DDX23: variants seen among roughly 807,000 people sequenced by gnomAD.
DDX23 encodes the protein probable ATP-dependent RNA helicase DDX23.
In DDX23, 33 loss-of-function variants were observed where a neutral mutation model predicts 102.7. That is an observed-to-expected ratio of 0.32 (90% confidence interval 0.24 to 0.43). The LOEUF is 0.43. Ranked by LOEUF, DDX23 falls within the 20% of genes least tolerant of loss-of-function variation. The pLI is 1.00. For synonymous variants in DDX23, 352 were observed against 376.0 expected (o/e 0.94, Z 0.74); for missense variants, 549 against 1,086.6 (o/e 0.51, Z 6.96).
chr12:48,847,989 GAA>G (rs929457604), intron 1 of DDX23, among the ~76,000 whole-genome samples: 16 of 151,754 alleles, frequency 1.1e-4, no homozygotes, highest in African/African-American at 3.9e-4. Context: ...AAGCAGTAAA[GAA>G]AACAAAGTCT....
At chr12:48,838,345 G>C (rs893855757) in intron 5 of DDX23, among the ~76,000 whole-genome samples, 2 of 152,166 alleles carry the variant, frequency 1.3e-5, no homozygotes, top group East Asian at 1.9e-4. Flanking sequence ...GAGGCCATGA[G>C]TTCAAGACCA....
rs1412894046 is a variant in DDX23 at position 48,842,472 on chromosome 12, C to T, written c.320+1468G>A. ...GTAGGGGGGTCAGCCCCCCGCCCGG[C>T]CAGCCACCCCGTCCGGGAGGAAGGT... is the stretch of plus-strand genomic sequence containing the variant. On this transcript the variant is annotated intron_variant, in intron 3 of 16. Coordinates refer to ENST00000308025, the MANE Select transcript of DDX23 (RefSeq NM_004818.3). 1.0e-4 allele frequency among the ~76,000 whole-genome samples: 14 copies of T among 137,958 alleles called. No individual in the cohort carries two copies. In the South Asian group the frequency reaches 3.3e-3, roughly 32 times the overall value. 90.5% of individuals were successfully genotyped at this position (137,958 alleles called of 152,430 possible). A position where few individuals can be genotyped will look rare whatever the true frequency, so the allele number is the denominator to read the frequency against.
Position 48,836,059 on chromosome 12 carries a change from T to C in DDX23, c.1382+62A>G. 6.4e-7 allele frequency: 1 copy of C among 1,566,158 alleles called. No individual in the cohort carries two copies. Among genetic ancestry groups the C allele is most frequent in the Non-Finnish European group, 8.7e-7 (1 of 1,143,784 alleles). ...ACGTAAAACAAAAATCAAACATTCA[T>C]TTGCCACTTTCACCTTTCCTACCCA... On this transcript the variant is annotated intron_variant, in intron 11 of 16. Coordinates refer to ENST00000308025, the MANE Select transcript of DDX23 (RefSeq NM_004818.3). The surrounding 1 kb of genome is among the most constrained non-coding windows in gnomAD (Gnocchi z 6.1).
intron 1 of DDX23, among the ~76,000 whole-genome samples, chr12:48,850,516 C>G (rs1478085101): frequency 6.6e-6 from 1 of 152,034 alleles, no homozygotes; most frequent in Non-Finnish European, 1.5e-5. Flanking sequence ...CACCAATACA[C>G]AGATAGCTTT....
chr12:48,837,937 C>T lies in DDX23; in HGVS notation c.619+5G>A. On this transcript the variant is annotated splice_donor_5th_base_variant and intron_variant, in intron 6 of 16. Coordinates refer to ENST00000308025, the MANE Select transcript of DDX23 (RefSeq NM_004818.3). ...CTAGGGGCTACACAGGGTAGAATAA[C>T]AAACCCAACATCTTCCTGCCCAAGT... 6.2e-7 allele frequency: 1 copy of T among 1,612,488 alleles called. No homozygotes were observed. Among genetic ancestry groups the T allele is most frequent in the Non-Finnish European group, 8.5e-7 (1 of 1,180,008 alleles).
chr12:48,830,308 C>G lies in DDX23; in HGVS notation c.*161G>C, dbSNP rs1165814874. 3 of 877,270 alleles carry G rather than the reference C, an allele frequency of 3.4e-6. No homozygotes were observed. Among genetic ancestry groups the G allele is most frequent in the South Asian group, 2.9e-5 (2 of 70,130 alleles). The allele number at this position is 877,270 out of a possible 1,614,324, so 54.3% of individuals were successfully genotyped here. ...CGTCCTCTCCTTTTGCAGCCCCACA[C>G]GCAGGCCTCCTGACCTGAGGGTCTG... On this transcript the variant is annotated 3_prime_UTR_variant, in exon 17 of 17. Coordinates refer to ENST00000308025, the MANE Select transcript of DDX23 (RefSeq NM_004818.3). This position sits in a 1 kb window ranked among gnomAD's most constrained non-coding sequence, Gnocchi z 4.9.
Position 48,829,844 on chromosome 12 carries a change from A to G in DDX23, c.*625T>C. On this transcript the variant is annotated 3_prime_UTR_variant, in exon 17 of 17. Transcript: ENST00000308025. Reference sequence around the variant, plus strand: ...AAAACAGAGATTTCACTCAGTGACAAAGATGGACACAGCCAGTTCACCGTG... The same window carrying G: ...AAAACAGAGATTTCACTCAGTGACAGAGATGGACACAGCCAGTTCACCGTG... The G allele has an allele frequency of 4.4e-6, 1 of 229,218 alleles. No individual in the cohort carries two copies. The highest frequency in any genetic ancestry group is 8.7e-6 in the Non-Finnish European group (1 of 114,912). 14.2% of individuals were successfully genotyped at this position (229,218 alleles called of 1,614,324 possible). A position where few individuals can be genotyped will look rare whatever the true frequency, so the allele number is the denominator to read the frequency against.
rs1938517330 is a variant in DDX23 at position 48,839,638 on chromosome 12, G to A, written c.480+206C>T. 1.4e-5 allele frequency: 8 copies of A among 580,366 alleles called. No individual in the cohort carries two copies. The South Asian group carries it at 1.7e-4, about 12-fold the overall frequency. The allele number at this position is 580,366 out of a possible 1,614,324, so 36.0% of individuals were successfully genotyped here. A position where few individuals can be genotyped will look rare whatever the true frequency, so the allele number is the denominator to read the frequency against. On this transcript the variant is annotated intron_variant, in intron 5 of 16. Coordinates refer to ENST00000308025, the MANE Select transcript of DDX23 (RefSeq NM_004818.3). ...CACAAGGGGTACATGTGTACAGAGG[G>A]AGGACCATGTGAAGAGCTGAGGAAG...
At position 48,838,066 on chromosome 12, in the gene DDX23, A is replaced by T; in HGVS notation, c.495T>A (p.Ser165=). The change falls in exon 6 of 17, where the codon TCT becomes TCA. Residue 165 remains serine, a synonymous_variant. Transcript: ENST00000308025. ...EEAEAKPKFL[S]KAEREAEALK... ...GAGCTTCAGCCTCTCGTTCTGCTTT[A>T]GAGAGGAACTTGGGCTACAAAAGAG... 4 of 1,614,198 alleles carry T rather than the reference A, an allele frequency of 2.5e-6. No individual in the cohort carries two copies. Among genetic ancestry groups the T allele is most frequent in the Non-Finnish European group, 1.7e-6 (2 of 1,180,032 alleles).
Position 48,852,141 on chromosome 12 carries a change from T to G in DDX23, c.-58A>C, listed in dbSNP as rs1242609654. Reference sequence around the variant, plus strand: ...AACGTCGCGGAGCCGTCGCCATCTTTCCCGTTTCCTGGTCGCGGAGATGAA... The same window carrying G: ...AACGTCGCGGAGCCGTCGCCATCTTGCCCGTTTCCTGGTCGCGGAGATGAA... On this transcript the variant is annotated 5_prime_UTR_variant, in exon 1 of 17. Coordinates refer to ENST00000308025, the MANE Select transcript of DDX23 (RefSeq NM_004818.3). The G allele has an allele frequency of 6.6e-6, 1 of 152,534 alleles. No homozygotes were observed. The highest frequency in any genetic ancestry group is 1.9e-4 in the East Asian group (1 of 5,216). The allele number at this position is 152,534 out of a possible 1,614,324, so 9.4% of individuals were successfully genotyped here. A position where few individuals can be genotyped will look rare whatever the true frequency, so the allele number is the denominator to read the frequency against.
rs58864737 is a variant in DDX23, at chr12:48,834,511, G to C, written c.1383-14C>G. On this transcript the variant is annotated splice_polypyrimidine_tract_variant and intron_variant, in intron 11 of 16. Coordinates refer to ENST00000308025, the MANE Select transcript of DDX23 (RefSeq NM_004818.3). ...GACTCTTCGATCCTGTGGTAAACAG[G>C]GTGCCCCACAGCTTCGTGAGCTTTG... 92 of 1,609,624 alleles carry C rather than the reference G, an allele frequency of 5.7e-5. No individual in the cohort carries two copies. The East Asian group carries it at 1.8e-3, about 32-fold the overall frequency.
Position 48,832,817 on chromosome 12 carries a change from C to A in DDX23, c.1804-244G>T. On this transcript the variant is annotated intron_variant, in intron 13 of 16. Coordinates refer to ENST00000308025, the MANE Select transcript of DDX23 (RefSeq NM_004818.3). The surrounding 1 kb of genome is among the most constrained non-coding windows in gnomAD (Gnocchi z 4.4). The stretch of plus-strand genomic sequence containing the variant: ...GAGCATTTGCTAGCACCTGTGGTCC[C>A]GGTAGCAGCATGAGTCTTTGGAATC... 1.8e-6 allele frequency: 1 copy of A among 547,460 alleles called. No individual in the cohort carries two copies. Among genetic ancestry groups the A allele is most frequent in the South Asian group, 2.4e-5 (1 of 40,920 alleles). 33.9% of individuals were successfully genotyped at this position (547,460 alleles called of 1,614,324 possible).
intron 3 of DDX23, among the ~76,000 whole-genome samples, chr12:48,841,842 C>A (rs1423189857): frequency 6.6e-6 from 1 of 152,242 alleles, no homozygotes; most frequent in East Asian, 1.9e-4. Flanking sequence ...CTGCCTTGGC[C>A]CCCCAAAGTG....
Position 48,830,612 on chromosome 12 carries a change from CAG to C in DDX23, c.2318_2319del (p.Ser773CysfsTer31). ...VAITFLTKEDSAVFYELKQAI... is the reference protein window; with the variant it reads ...VAITFLTKEDXAVFYELKQAI... The stretch of plus-strand genomic sequence containing the variant: ...GCTTGCTTCAGCTCGTAGAACACAG[CAG>C]AGTCCTCTTTTGTGAGGAAGGTGAT... On this transcript the variant is annotated frameshift_variant, in exon 17 of 17. Transcript: ENST00000308025. This position sits in a 1 kb window ranked among gnomAD's most constrained non-coding sequence, Gnocchi z 4.9. The C allele has an allele frequency of 6.2e-7, 1 of 1,614,164 alleles. No homozygotes were observed. Among genetic ancestry groups the C allele is most frequent in the Non-Finnish European group, 8.5e-7 (1 of 1,180,038 alleles).
rs1451319236 is a variant in DDX23 at position 48,840,007 on chromosome 12, C to T, written c.414+6G>A. The T allele has an allele frequency of 1.9e-6, 3 of 1,613,680 alleles. No homozygotes were observed. Among genetic ancestry groups the T allele is most frequent in the Non-Finnish European group, 2.5e-6 (3 of 1,179,566 alleles). ...GAAGATGAAAAATATCCTTCCTCTC[C>T]TTTACCTTAGGCTTCTTATCACCAT... On this transcript the variant is annotated splice_donor_region_variant and intron_variant, in intron 4 of 16. Transcript: ENST00000308025.
rs1160049789 is a variant in DDX23, at chr12:48,832,006, C to T, written c.2064+72G>A. On this transcript the variant is annotated intron_variant, in intron 15 of 16. Coordinates refer to ENST00000308025, the MANE Select transcript of DDX23 (RefSeq NM_004818.3). The surrounding 1 kb of genome is among the most constrained non-coding windows in gnomAD (Gnocchi z 4.4). ...AAAGGGTGAGACTTGAAAGGAAGAG[C>T]CTAGGGGGCCCTGCTAGATTCAGAA... 4 of 1,408,182 alleles carry T rather than the reference C, an allele frequency of 2.8e-6. No individual in the cohort carries two copies. The highest frequency in any genetic ancestry group is 1.4e-5 in the African/African-American group (1 of 70,538). 87.2% of individuals were successfully genotyped at this position (1,408,182 alleles called of 1,614,324 possible). A position where few individuals can be genotyped will look rare whatever the true frequency, so the allele number is the denominator to read the frequency against.
In DDX23 at chr12:48,829,968, T is replaced by A. The variant is rs999129809; in HGVS notation, c.*501A>T. On this transcript the variant is annotated 3_prime_UTR_variant, in exon 17 of 17. Transcript: ENST00000308025. ...GTGCACAGGTCTAAAGACTCTCAACTTCCTTTACCATCCAAACAGGAAAAC... is the reference window on the plus strand; with the variant it reads ...GTGCACAGGTCTAAAGACTCTCAACATCCTTTACCATCCAAACAGGAAAAC... The A allele has an allele frequency of 2.8e-6, 1 of 356,868 alleles. No homozygotes were observed. Among genetic ancestry groups the A allele is most frequent in the Non-Finnish European group, 5.5e-6 (1 of 181,576 alleles). 22.1% of individuals were successfully genotyped at this position (356,868 alleles called of 1,614,324 possible). A position where few individuals can be genotyped will look rare whatever the true frequency, so the allele number is the denominator to read the frequency against.
At chr12:48,831,947 G>C in intron 15 of DDX23, 131 bp downstream of exon 15, 3 of 787,130 alleles carry the variant, frequency 3.8e-6, no homozygotes, top group Non-Finnish European at 6.3e-6. Flanking sequence ...CCTTCACCCT[G>C]GTCCTAACTT....
Position 48,840,672 on chromosome 12 carries a change from C to T in DDX23, c.321-566G>A, listed in dbSNP as rs192195283. Among the ~76,000 whole-genome samples, 104 of 152,022 alleles carry T rather than the reference C, an allele frequency of 6.8e-4. 1 individual carries two copies. The highest frequency in any genetic ancestry group is 2.5e-3 in the African/African-American group (102 of 41,452). On this transcript the variant is annotated intron_variant, in intron 3 of 16. Coordinates refer to ENST00000308025, the MANE Select transcript of DDX23 (RefSeq NM_004818.3). Reference sequence around the variant, plus strand: ...GGTTCAAGAAATTTTCCTGCCTCAGCCTCCTGAGTAGCTGGGACTACAGGC... The same window carrying T: ...GGTTCAAGAAATTTTCCTGCCTCAGTCTCCTGAGTAGCTGGGACTACAGGC...
Sources: gnomAD v4.1 joint callset for allele counts (sites outside exome capture counted in the v4.1 genomes callset) on GRCh38, gnomAD v4.1.1 for gene constraint, Gnocchi (gnomAD v3.1) non-coding constraint, MANE v1.5 for transcripts, NCBI Gene and HGNC (gene_info 2026-07-23, HGNC 2026-07-21) for gene names.